The following DVL3 variants were observed in gnomAD, a reference collection of about 807,000 sequenced individuals.
The protein encoded by DVL3 is dishevelled segment polarity protein 3, also known as segment polarity protein dishevelled homolog DVL-3.
In DVL3, 27 loss-of-function variants were observed where a neutral mutation model predicts 67.4. The observed-to-expected ratio is 0.40, with a 90% CI of 0.30 to 0.55. The LOEUF is 0.55. Ranked by LOEUF, DVL3 falls within the 20% of genes least tolerant of loss-of-function variation. The pLI, the probability that DVL3 is intolerant of heterozygous loss-of-function variation, is 0.46. For missense variants in DVL3, 819 were observed against 1,021.5 expected (o/e 0.80, Z 2.70); for synonymous variants, 369 against 396.8 (o/e 0.93, Z 0.83).
chr3:184,168,969 G>A (rs1714701083), intron 13 of DVL3, among the ~76,000 whole-genome samples: 1 of 152,154 alleles, frequency 6.6e-6, no homozygotes, highest in Non-Finnish European at 1.5e-5. Flanking sequence ...GGAACGGGGT[G>A]GAGAGCAGTG....
In DVL3 at chr3:184,171,406, C is replaced by A. The variant is rs1714832702; in HGVS notation, c.*651C>A. Reference sequence around the variant, plus strand: ...CAGTTGCCTGAGCAGCTGGTGGCTTCCAGGGAGCATCTCTGCTCTACCCCT... The same window carrying A: ...CAGTTGCCTGAGCAGCTGGTGGCTTACAGGGAGCATCTCTGCTCTACCCCT... On this transcript the variant is annotated 3_prime_UTR_variant, in exon 15 of 15. Coordinates refer to ENST00000313143, the MANE Select transcript of DVL3 (RefSeq NM_004423.4). 5.0e-6 allele frequency: 5 copies of A among 996,868 alleles called. No individual in the cohort carries two copies. In the South Asian group the frequency reaches 1.3e-4, roughly 26 times the overall value. The allele number at this position is 996,868 out of a possible 1,614,324, so 61.8% of individuals were successfully genotyped here. A position where few individuals can be genotyped will look rare whatever the true frequency, so the allele number is the denominator to read the frequency against.
Position 184,155,698 on chromosome 3 carries a change from G to A in DVL3, c.63G>A (p.Leu21=), listed in dbSNP as rs1267014960. The A allele has an allele frequency of 1.2e-6, 2 of 1,613,008 alleles. No homozygotes were observed. The highest frequency in any genetic ancestry group is 8.5e-7 in the Non-Finnish European group (1 of 1,179,784). ...AGGAGACGCCGTACCTTGTGAAGCTGCCCCTGCCCGCCGAGCGCGTCACCT... is the reference window on the plus strand; with the variant it reads ...AGGAGACGCCGTACCTTGTGAAGCTACCCCTGCCCGCCGAGCGCGTCACCT... The part of the protein sequence containing the change: ...DGQETPYLVK[L]PLPAERVTLA... The change falls in exon 1 of 15, where the codon CTG becomes CTA. Residue 21 remains leucine, a synonymous_variant. Coordinates refer to ENST00000313143, the MANE Select transcript of DVL3 (RefSeq NM_004423.4). This position sits in a 1 kb window ranked among gnomAD's most constrained non-coding sequence, Gnocchi z 5.4.
chr3:184,171,210 C>T lies in DVL3; in HGVS notation c.*455C>T. The T allele has an allele frequency of 9.1e-7, 1 of 1,099,384 alleles. No individual in the cohort carries two copies. The highest frequency in any genetic ancestry group is 9.2e-5 in the East Asian group (1 of 10,886). 68.1% of individuals were successfully genotyped at this position (1,099,384 alleles called of 1,614,324 possible). A position where few individuals can be genotyped will look rare whatever the true frequency, so the allele number is the denominator to read the frequency against. On this transcript the variant is annotated 3_prime_UTR_variant, in exon 15 of 15. Transcript: ENST00000313143. ...CACCCCATCAGGCACGTGTGCAAAC[C>T]TCTTGACTTTACCCCACATTACTGA...
Position 184,170,908 on chromosome 3 carries a change from G to C in DVL3, c.*153G>C, listed in dbSNP as rs1320884143. 5 of 1,544,770 alleles carry C rather than the reference G, an allele frequency of 3.2e-6. No homozygotes were observed. In the Admixed American group the frequency reaches 9.8e-5, roughly 30 times the overall value. On this transcript the variant is annotated 3_prime_UTR_variant, in exon 15 of 15. Coordinates refer to ENST00000313143, the MANE Select transcript of DVL3 (RefSeq NM_004423.4). The surrounding 1 kb of genome is among the most constrained non-coding windows in gnomAD (Gnocchi z 6.5). ...CTAACTGCTCGCAGGGTGCTGCGAGGGTGGGGTGCACCTACCGATTGGCTC... is the reference window on the plus strand; with the variant it reads ...CTAACTGCTCGCAGGGTGCTGCGAGCGTGGGGTGCACCTACCGATTGGCTC...
rs1032725364 is a variant in DVL3 at position 184,166,361 on chromosome 3, G to A, written c.904-85G>A. On this transcript the variant is annotated intron_variant, in intron 8 of 14. Coordinates refer to ENST00000313143, the MANE Select transcript of DVL3 (RefSeq NM_004423.4). The surrounding 1 kb of genome is among the most constrained non-coding windows in gnomAD (Gnocchi z 6.7). ...CCTTCAGAGGCCCCTTCTTGGTTGG[G>A]GGAAGACTCCCTGACCTACCAAGTT... The A allele has an allele frequency of 1.7e-5, 27 of 1,608,412 alleles. No homozygotes were observed. Among genetic ancestry groups the A allele is most frequent in the African/African-American group, 1.6e-4 (12 of 74,800 alleles).
chr3:184,164,689 C>T lies in DVL3; in HGVS notation c.463+88C>T, dbSNP rs557569896. The T allele has an allele frequency of 9.6e-6, 15 of 1,569,908 alleles. No individual in the cohort carries two copies. Among genetic ancestry groups the T allele is most frequent in the East Asian group, 9.0e-5 (4 of 44,452 alleles). ...CTACCCACCTTCTTGCCCTACTTCC[C>T]GAGCTCAGGATATGCCTGGCCCCAG... On this transcript the variant is annotated intron_variant, in intron 4 of 14. Transcript: ENST00000313143. The surrounding 1 kb of genome is among the most constrained non-coding windows in gnomAD (Gnocchi z 5.3).
In DVL3 at chr3:184,164,751, C is replaced by T. The variant is rs924711152; in HGVS notation, c.464-45C>T. On this transcript the variant is annotated intron_variant, in intron 4 of 14. Transcript: ENST00000313143. The surrounding 1 kb of genome is among the most constrained non-coding windows in gnomAD (Gnocchi z 5.3). ...GCTTGCCTCTCTCCCTCCTTCACCC[C>T]TGCACTGGGCACTGTGTAAACCCAA... is the stretch of plus-strand genomic sequence containing the variant. The T allele has an allele frequency of 1.2e-6, 2 of 1,613,416 alleles. No individual in the cohort carries two copies. Among genetic ancestry groups the T allele is most frequent in the Admixed American group, 3.3e-5 (2 of 59,970 alleles).
At position 184,167,003 on chromosome 3, in the gene DVL3, C is replaced by T. The variant is rs1295129465; in HGVS notation, c.1198+28C>T. 1.2e-6 allele frequency: 2 copies of T among 1,611,748 alleles called. No homozygotes were observed. The highest frequency in any genetic ancestry group is 4.5e-5 in the East Asian group (2 of 44,852). ...GAGTGTCCCACCCTGTCTCCTGGGCCCAGCAGACAGGGCCAGGTGGGGGGA... is the reference window on the plus strand; with the variant it reads ...GAGTGTCCCACCCTGTCTCCTGGGCTCAGCAGACAGGGCCAGGTGGGGGGA... On this transcript the variant is annotated intron_variant, in intron 11 of 14. Transcript: ENST00000313143. The surrounding 1 kb of genome is among the most constrained non-coding windows in gnomAD (Gnocchi z 4.6).
Position 184,170,830 on chromosome 3 carries a change from T to C in DVL3, c.*75T>C. 6.3e-7 allele frequency: 1 copy of C among 1,582,580 alleles called. No homozygotes were observed. Among genetic ancestry groups the C allele is most frequent in the Non-Finnish European group, 8.6e-7 (1 of 1,164,960 alleles). On this transcript the variant is annotated 3_prime_UTR_variant, in exon 15 of 15. Coordinates refer to ENST00000313143, the MANE Select transcript of DVL3 (RefSeq NM_004423.4). The surrounding 1 kb of genome is among the most constrained non-coding windows in gnomAD (Gnocchi z 6.5). ...TTCCTCTCTCCATCCGTCCGTCTTT[T>C]TTACTTTGTCTGGTACCTGAAAGGG...
rs74570914 is a variant in DVL3, at chr3:184,167,130, G to A, written c.1198+155G>A. Among the ~76,000 whole-genome samples the A allele has an allele frequency of 1.1e-4, 16 of 152,210 alleles. No homozygotes were observed. Among genetic ancestry groups the A allele is most frequent in the African/African-American group, 1.9e-4 (8 of 41,538 alleles). ...CCCCACACTGCAACTCCCCCACAGC[G>A]GGCACTCCAACCCTCACTAAACAGT... On this transcript the variant is annotated intron_variant, in intron 11 of 14. Coordinates refer to ENST00000313143, the MANE Select transcript of DVL3 (RefSeq NM_004423.4). This position sits in a 1 kb window ranked among gnomAD's most constrained non-coding sequence, Gnocchi z 4.6.
In DVL3 at chr3:184,164,573, G is replaced by T. The variant is rs1475096056; in HGVS notation, c.435G>T (p.Arg145=). The T allele has an allele frequency of 2.6e-6, 4 of 1,565,286 alleles. No homozygotes were observed. The highest frequency in any genetic ancestry group is 3.5e-6 in the Non-Finnish European group (4 of 1,155,408). Residue 145 remains arginine (R), a synonymous_variant, in exon 4 of 15, where the codon CGG becomes CGT. Transcript: ENST00000313143. This position sits in a 1 kb window ranked among gnomAD's most constrained non-coding sequence, Gnocchi z 5.3. The part of the protein sequence containing the change: ...TDSLVSAQRE[R]PRRRDGPEHA... ...CTTTGGTGTCTGCCCAGCGAGAGCGGCCACGCCGGAGGGATGGCCCAGAGC... is the reference window on the plus strand; with the variant it reads ...CTTTGGTGTCTGCCCAGCGAGAGCGTCCACGCCGGAGGGATGGCCCAGAGC...
chr3:184,166,265 G>A lies in DVL3; in HGVS notation c.903G>A (p.Gln301=). Residue 301 remains glutamine (Q), a splice_region_variant and synonymous_variant, in exon 8 of 15, where the codon CAG becomes CAA. Transcript: ENST00000313143. The surrounding 1 kb of genome is among the most constrained non-coding windows in gnomAD (Gnocchi z 6.7). ...TCGAGCCAGGAGATATGTTGTTACA[G>A]GTATCAGTGCCCATCCTAGGCGGTG... is the stretch of plus-strand genomic sequence containing the variant. ...GRIEPGDMLL[Q]VNEINFENMS... 1.2e-6 allele frequency: 2 copies of A among 1,612,686 alleles called. No homozygotes were observed. The highest frequency in any genetic ancestry group is 1.7e-6 in the Non-Finnish European group (2 of 1,179,510).
Position 184,171,140 on chromosome 3 carries a change from C to T in DVL3, c.*385C>T. The stretch of plus-strand genomic sequence containing the variant: ...CCTCATTCTCTCGTTTCCCCTTTAG[C>T]TCCCTTTCACCATTTATTCAGCTAC... On this transcript the variant is annotated 3_prime_UTR_variant, in exon 15 of 15. Coordinates refer to ENST00000313143, the MANE Select transcript of DVL3 (RefSeq NM_004423.4). 8.5e-7 allele frequency: 1 copy of T among 1,176,892 alleles called. No individual in the cohort carries two copies. The highest frequency in any genetic ancestry group is 1.1e-6 in the Non-Finnish European group (1 of 941,938). The allele number at this position is 1,176,892 out of a possible 1,614,324, so 72.9% of individuals were successfully genotyped here.
intron 1 of DVL3, among the ~76,000 whole-genome samples, chr3:184,159,694 A>G (rs1421639469): frequency 6.6e-6 from 1 of 151,950 alleles, no homozygotes; most frequent in African/African-American, 2.4e-5. Context: ...ACACCTGTGT[A>G]ACACTCAGCA....
chr3:184,156,452 TG>T (rs1221500395), intron 1 of DVL3: 2 of 456,740 alleles, frequency 4.4e-6, no homozygotes, highest in South Asian at 1.5e-5. Flanking sequence ...ACCCAGGTGC[TG>T]ATCTTTCCTC....
chr3:184,157,257 G>A (rs897645207), intron 1 of DVL3, among the ~76,000 whole-genome samples: 2 of 152,182 alleles, frequency 1.3e-5, no homozygotes, highest in African/African-American at 4.8e-5. Context: ...CTGGGTGAGG[G>A]GGTGGATACT....
In DVL3 at chr3:184,163,740, A is replaced by G; in HGVS notation, c.231+14A>G. 1.9e-6 allele frequency: 3 copies of G among 1,612,938 alleles called. No individual in the cohort carries two copies. Among genetic ancestry groups the G allele is most frequent in the Non-Finnish European group, 1.7e-6 (2 of 1,179,018 alleles). ...GTGGTGTCCTGGGTAAGGAGCCCTC[A>G]GCCTTCCATCCACCTGCATCCCTGT... On this transcript the variant is annotated intron_variant, in intron 2 of 14. Coordinates refer to ENST00000313143, the MANE Select transcript of DVL3 (RefSeq NM_004423.4). The surrounding 1 kb of genome is among the most constrained non-coding windows in gnomAD (Gnocchi z 4.5).
chr3:184,169,919 C>A, intron 13 of DVL3, 87 bp from the exon 14 acceptor site: 1 of 1,218,614 alleles, frequency 8.2e-7, no homozygotes, highest in Non-Finnish European at 1.2e-6. Flanking sequence ...GAAACTACCA[C>A]GGTCTCTCTC....
At chr3:184,160,245 C>G (rs1342575678) in intron 1 of DVL3, among the ~76,000 whole-genome samples, 1 of 152,064 alleles carries the variant, frequency 6.6e-6, no homozygotes, top group African/African-American at 2.4e-5. Context: ...GCCACCGTGC[C>G]CTGCCAGTCA....
Sources: allele counts gnomAD v4.1 joint callset (sites outside exome capture counted in the v4.1 genomes callset), GRCh38; gene constraint gnomAD v4.1.1; non-coding constraint Gnocchi (gnomAD v3.1); transcripts MANE v1.5; gene names NCBI Gene and HGNC (gene_info 2026-07-23, HGNC 2026-07-21).